MYT1L: variants seen among roughly 807,000 people sequenced by gnomAD.
MYT1L encodes the protein myelin transcription factor 1-like protein.
A neutral mutation model predicts 126.7 loss-of-function variants in MYT1L; 12 were observed. That is an observed-to-expected ratio of 0.09 (90% CI 0.06 to 0.15). MYT1L has a LOEUF of 0.15. Ranked by LOEUF, MYT1L falls within the 10% of genes least tolerant of loss-of-function variation. The pLI is 1.00. For missense variants in MYT1L, 979 were observed against 1,585.2 expected (o/e 0.62, Z 6.49); for synonymous variants, 541 against 604.2 (o/e 0.90, Z 1.53).
chr2:2,139,017 T>G (rs944295236), intron 3 of MYT1L, among the ~76,000 whole-genome samples: 1 of 151,898 alleles, frequency 6.6e-6, no homozygotes, highest in Non-Finnish European at 1.5e-5. Context: ...TTCCTTCTTA[T>G]GAAGGAGCTT....
intron 2 of MYT1L, among the ~76,000 whole-genome samples, chr2:2,274,276 A>G (rs1270150051): frequency 2.0e-5 from 3 of 151,492 alleles, no homozygotes; most frequent in African/African-American, 7.3e-5. Context: ...ACTATTACAC[A>G]TCAATGGAAA....
intron 22 of MYT1L, among the ~76,000 whole-genome samples, chr2:1,805,266 C>T (rs115598529): frequency 6.6e-6 from 1 of 152,188 alleles, no homozygotes; most frequent in Non-Finnish European, 1.5e-5. Flanking sequence ...CCCTTTCAGA[C>T]AAATGCTCAA....
At chr2:2,273,277 C>T (rs1003248087) in intron 2 of MYT1L, among the ~76,000 whole-genome samples, 4 of 152,196 alleles carry the variant, frequency 2.6e-5, no homozygotes, top group African/African-American at 9.6e-5. Flanking sequence ...AGAAGAAAAA[C>T]AAAATGAGTA....
chr2:2,214,638 G>A (rs994145385), intron 2 of MYT1L, among the ~76,000 whole-genome samples: 3 of 152,112 alleles, frequency 2.0e-5, no homozygotes, highest in African/African-American at 4.8e-5. Context: ...ATTCAAAAGC[G>A]AAGTAAGACA....
At chr2:2,202,273 G>A (rs1230207372) in intron 2 of MYT1L, among the ~76,000 whole-genome samples, 4 of 152,164 alleles carry the variant, frequency 2.6e-5, no homozygotes, top group African/African-American at 9.7e-5. Context: ...ACTAAGATCA[G>A]AGCAGGACTG....
chr2:1,963,633 T>C (rs1268994790), intron 8 of MYT1L, among the ~76,000 whole-genome samples: 1 of 152,258 alleles, frequency 6.6e-6, no homozygotes, highest in Non-Finnish European at 1.5e-5. Context: ...TAACTTGCTA[T>C]AGCTTCTCCA....
chr2:1,963,843 T>C (rs1406326121), intron 8 of MYT1L, among the ~76,000 whole-genome samples: 1 of 152,238 alleles, frequency 6.6e-6, no homozygotes, highest in East Asian at 1.9e-4. Flanking sequence ...TGATCTTCTA[T>C]CTAGACTGCT....
At chr2:1,813,819 A>G (rs2037126904) in intron 21 of MYT1L, among the ~76,000 whole-genome samples, 1 of 136,968 alleles carries the variant, frequency 7.3e-6, no homozygotes, top group Non-Finnish European at 1.6e-5. Context: ...CGCGGTCAGG[A>G]GATCGAGACC....
At chr2:1,995,345 G>A (rs2061747411) in intron 5 of MYT1L, among the ~76,000 whole-genome samples, 3 of 152,136 alleles carry the variant, frequency 2.0e-5, no homozygotes, top group South Asian at 2.1e-4. Context: ...CTAGACTGTC[G>A]TCCTCACTGC....
chr2:1,817,841 C>A (rs916813981), intron 21 of MYT1L, among the ~76,000 whole-genome samples: 1 of 152,226 alleles, frequency 6.6e-6, no homozygotes, highest in Non-Finnish European at 1.5e-5. Context: ...TAGTTCTGAA[C>A]CTGAGACCCA....
chr2:2,174,720 A>G (rs1428983842), intron 2 of MYT1L, among the ~76,000 whole-genome samples: 1 of 152,126 alleles, frequency 6.6e-6, no homozygotes, highest in Non-Finnish European at 1.5e-5. Flanking sequence ...GACATTATTG[A>G]TACTGACATA....
At chr2:2,202,948 G>A (rs1176268983) in intron 2 of MYT1L, among the ~76,000 whole-genome samples, 6 of 151,952 alleles carry the variant, frequency 3.9e-5, no homozygotes, top group East Asian at 3.9e-4. Context: ...TTCATCCCTG[G>A]GATGCAAGGC....
chr2:2,239,091 C>T (rs1540379), intron 2 of MYT1L, among the ~76,000 whole-genome samples: 73,760 of 152,168 alleles, frequency 0.48, 18,350 homozygotes, highest in East Asian at 0.78. Context: ...TAGTCTCTTA[C>T]TTGATAATGC....
At chr2:2,305,073 A>G (rs2095841303) in intron 1 of MYT1L, among the ~76,000 whole-genome samples, 1 of 152,254 alleles carries the variant, frequency 6.6e-6, no homozygotes, top group Admixed American at 6.5e-5. Context: ...GGGCTAAATA[A>G]AACATTTTTT....
chr2:1,997,916 T>C (rs547500847), intron 4 of MYT1L, among the ~76,000 whole-genome samples: 6 of 152,348 alleles, frequency 3.9e-5, no homozygotes, highest in East Asian at 1.9e-4. Flanking sequence ...TTGAACTTTA[T>C]GTGAATTTTA....
intron 8 of MYT1L, among the ~76,000 whole-genome samples, chr2:1,950,276 G>A (rs1000837458): frequency 6.6e-6 from 1 of 152,034 alleles, no homozygotes; most frequent in African/African-American, 2.4e-5. Context: ...GCCATGGTAA[G>A]GATCTCACTA....
At chr2:1,918,964 T>C (rs1347990298) in intron 10 of MYT1L, among the ~76,000 whole-genome samples, 1 of 152,196 alleles carries the variant, frequency 6.6e-6, no homozygotes, top group African/African-American at 2.4e-5. Flanking sequence ...AAGTAGTAAG[T>C]GCACAGTAAC....
intron 3 of MYT1L, among the ~76,000 whole-genome samples, chr2:2,140,534 A>G (rs1335407579): frequency 2.0e-5 from 3 of 148,490 alleles, no homozygotes; most frequent in African/African-American, 7.5e-5. Context: ...TCCCTGGTTC[A>G]AGGGATTCTC....
At chr2:1,898,657 C>A (rs1161529095) in intron 14 of MYT1L, among the ~76,000 whole-genome samples, 1 of 152,200 alleles carries the variant, frequency 6.6e-6, no homozygotes, top group African/African-American at 2.4e-5. Flanking sequence ...GGTGACACAG[C>A]CATGCTGCAG....
Sources: gnomAD v4.1 joint callset for allele counts (sites outside exome capture counted in the v4.1 genomes callset) on GRCh38, gnomAD v4.1.1 for gene constraint, MANE v1.5 for transcripts, NCBI Gene and HGNC (gene_info 2026-07-23, HGNC 2026-07-21) for gene names.